The following ANKRD17 variants were observed in gnomAD, a reference collection of about 807,000 sequenced individuals.
ANKRD17 encodes the protein ankyrin repeat domain-containing protein 17.
Under a neutral mutation model 229.7 loss-of-function variants are expected in ANKRD17, and 19 were observed. The ratio of observed to expected loss-of-function variants is 0.08; its 90% CI spans 0.06 to 0.12. ANKRD17 has a LOEUF of 0.12. Among genes scored for constraint, ANKRD17 ranks in the 10% least tolerant of loss-of-function variants. The pLI is 1.00. For missense variants in ANKRD17, 2,176 were observed against 3,176.8 expected (o/e 0.68, Z 7.57); for synonymous variants, 1,112 against 1,146.1 (o/e 0.97, Z 0.60).
At chr4:73,119,195 C>T (rs1726390125) in intron 21 of ANKRD17, among the ~76,000 whole-genome samples, 1 of 152,002 alleles carries the variant, frequency 6.6e-6, no homozygotes, top group African/African-American at 2.4e-5. Context: ...CTAGCATTGT[C>T]TTAAATAGAA....
chr4:73,161,540 T>C (rs991919205), intron 2 of ANKRD17, among the ~76,000 whole-genome samples, 192 bp from the exon 3 acceptor site: 1 of 152,238 alleles, frequency 6.6e-6, no homozygotes, highest in African/African-American at 2.4e-5. Flanking sequence ...ATTCATTCCA[T>C]GTGGTTCATA....
At chr4:73,242,365 C>T (rs1744117417) in intron 1 of ANKRD17, among the ~76,000 whole-genome samples, 1 of 152,102 alleles carries the variant, frequency 6.6e-6, no homozygotes, top group South Asian at 2.1e-4. Flanking sequence ...ATATACCATA[C>T]ATGATAGCAG....
chr4:73,213,990 TTAA>T (rs1186641878), intron 1 of ANKRD17, among the ~76,000 whole-genome samples: 1 of 152,228 alleles, frequency 6.6e-6, no homozygotes, highest in African/African-American at 2.4e-5. Flanking sequence ...CACTTACCAC[TTAA>T]TATTACTCCA....
At chr4:73,140,467 T>A (rs1729457585) in intron 14 of ANKRD17, among the ~76,000 whole-genome samples, 184 bp from the exon 15 acceptor site, 2 of 152,202 alleles carry the variant, frequency 1.3e-5, no homozygotes, top group African/African-American at 4.8e-5. Context: ...AATGTATGTA[T>A]TTTATGTGCA....
intron 5 of ANKRD17, among the ~76,000 whole-genome samples, chr4:73,154,968 G>A (rs1731467530): frequency 6.6e-6 from 1 of 151,156 alleles, no homozygotes; most frequent in African/African-American, 2.4e-5. Context: ...GTGAACCCGG[G>A]AGGCGGAGCT....
intron 6 of ANKRD17, among the ~76,000 whole-genome samples, chr4:73,152,466 T>C (rs930933027): frequency 2.0e-5 from 3 of 151,984 alleles, no homozygotes; most frequent in Admixed American, 6.6e-5. Context: ...GTCTATATCC[T>C]ACAAAACCTC....
intron 22 of ANKRD17, among the ~76,000 whole-genome samples, chr4:73,116,525 C>A (rs536217777): frequency 6.6e-6 from 1 of 152,142 alleles, no homozygotes; most frequent in Non-Finnish European, 1.5e-5. Context: ...GACACAACAT[C>A]TGAAGTTAGC....
intron 1 of ANKRD17, among the ~76,000 whole-genome samples, chr4:73,218,845 G>A (rs763666016): frequency 3.3e-5 from 5 of 151,982 alleles, no homozygotes; most frequent in South Asian, 2.1e-4. Flanking sequence ...TGCGGATCAC[G>A]AGGTCAAGAG....
intron 24 of ANKRD17, among the ~76,000 whole-genome samples, chr4:73,110,535 C>T (rs544701732): frequency 5.3e-4 from 80 of 152,248 alleles, no homozygotes; most frequent in Non-Finnish European, 6.8e-4. Context: ...CACTTTTATA[C>T]GAGGAATAAC....
intron 1 of ANKRD17, among the ~76,000 whole-genome samples, chr4:73,183,273 G>C (rs1209313705): frequency 3.3e-5 from 5 of 152,110 alleles, no homozygotes; most frequent in Non-Finnish European, 7.4e-5. Context: ...CTGGGTATTA[G>C]ATAATATAAA....
At position 73,075,410 on chromosome 4, in the gene ANKRD17, C is replaced by T. The variant is rs1720935923; in HGVS notation, c.*821G>A. 6.6e-6 allele frequency: 1 copy of T among 152,220 alleles called. No individual in the cohort carries two copies. Among genetic ancestry groups the T allele is most frequent in the African/African-American group, 2.4e-5 (1 of 41,416 alleles). The allele number at this position is 152,220 out of a possible 1,614,324, so 9.4% of individuals were successfully genotyped here. ...GCAGCCATTACAGTGAAAATCTTGA[C>T]AGAACCTTTTCACTATCAGAAAGAT... On this transcript the variant is annotated 3_prime_UTR_variant, in exon 34 of 34. Coordinates refer to ENST00000358602, the MANE Select transcript of ANKRD17 (RefSeq NM_032217.5).
rs980179326 is a variant in ANKRD17, at chr4:73,249,501, T to C, written c.393+8775A>G. 2.6e-5 allele frequency among the ~76,000 whole-genome samples: 4 copies of C among 152,258 alleles called. No individual in the cohort carries two copies. The East Asian group carries it at 7.7e-4, about 29-fold the overall frequency. Reference sequence around the variant, plus strand: ...CTGAAATAGCACTATCTGGTACACATTATGATTTTCTCTACCTTATAAGTC... The same window carrying C: ...CTGAAATAGCACTATCTGGTACACACTATGATTTTCTCTACCTTATAAGTC... On this transcript the variant is annotated intron_variant, in intron 1 of 33. Coordinates refer to ENST00000358602, the MANE Select transcript of ANKRD17 (RefSeq NM_032217.5).
Position 73,197,614 on chromosome 4 carries a change from T to C in ANKRD17, c.394-20081A>G, listed in dbSNP as rs1578359466. 2.6e-5 allele frequency among the ~76,000 whole-genome samples: 4 copies of C among 152,184 alleles called. No homozygotes were observed. The South Asian group carries it at 6.2e-4, about 24-fold the overall frequency. On this transcript the variant is annotated intron_variant, in intron 1 of 33. Transcript: ENST00000358602. ...GGAAGCTGAGGTGGAAGGATAAACT[T>C]GAGGCCAGAAGTTTGAGACTAGCTT...
chr4:73,243,465 A>T (rs1294389031), intron 1 of ANKRD17, among the ~76,000 whole-genome samples: 1 of 152,202 alleles, frequency 6.6e-6, no homozygotes, highest in Non-Finnish European at 1.5e-5. Context: ...GACCTCTCCT[A>T]GTCTACCTCC....
At chr4:73,203,758 C>CAAAAAAAAAAAAAA (rs67020753) in intron 1 of ANKRD17, among the ~76,000 whole-genome samples, 13 of 82,128 alleles carry the variant, frequency 1.6e-4, no homozygotes, top group South Asian at 4.6e-4. Context: ...GACTCCGTCT[C>CAAAAAAAAAAAAAA]AAAAAAAAAA....
intron 24 of ANKRD17, among the ~76,000 whole-genome samples, chr4:73,112,273 C>T (rs556585601): frequency 6.6e-6 from 1 of 152,172 alleles, no homozygotes; most frequent in South Asian, 2.1e-4. Context: ...GTCTTTGTTT[C>T]ACAGTTTAAA....
At chr4:73,097,389 CTTAT>C in intron 26 of ANKRD17, 117 bp from the exon 27 acceptor site, 3 of 858,334 alleles carry the variant, frequency 3.5e-6, no homozygotes, top group Non-Finnish European at 5.1e-6. Context: ...AAATGACGAC[CTTAT>C]TTTTCACTTC....
At chr4:73,096,938 T>C (rs1723372219) in intron 27 of ANKRD17, among the ~76,000 whole-genome samples, 179 bp downstream of exon 27, 1 of 152,174 alleles carries the variant, frequency 6.6e-6, no homozygotes, top group Non-Finnish European at 1.5e-5. Context: ...GGGGCCAAAT[T>C]AACACGTAAT....
chr4:73,198,381 A>T lies in ANKRD17; in HGVS notation c.394-20848T>A, dbSNP rs1431132291. 3.3e-5 allele frequency among the ~76,000 whole-genome samples: 5 copies of T among 152,166 alleles called. No individual in the cohort carries two copies. The East Asian group carries it at 9.6e-4, about 29-fold the overall frequency. On this transcript the variant is annotated intron_variant, in intron 1 of 33. Coordinates refer to ENST00000358602, the MANE Select transcript of ANKRD17 (RefSeq NM_032217.5). ...GGTATACTGCAAAGTATACTTAACAAATTTGTATACCCAATGGCTCTGTGT... is the reference window on the plus strand; with the variant it reads ...GGTATACTGCAAAGTATACTTAACATATTTGTATACCCAATGGCTCTGTGT...
Sources: gnomAD v4.1 joint callset for allele counts (sites outside exome capture counted in the v4.1 genomes callset) on GRCh38, gnomAD v4.1.1 for gene constraint, MANE v1.5 for transcripts, NCBI Gene and HGNC (gene_info 2026-07-23, HGNC 2026-07-21) for gene names.